Variants in NT5M observed in about 807,000 individuals in gnomAD.
NT5M encodes 5'(3')-deoxyribonucleotidase, mitochondrial.
A neutral mutation model predicts 22.2 loss-of-function variants in NT5M; 22 were observed. That is an observed-to-expected ratio of 0.99 (90% confidence interval 0.71 to 1.41). The LOEUF is 1.41. Among genes scored for constraint, NT5M ranks in the 40% most tolerant of loss-of-function variants. NT5M has a pLI of 0.00. For synonymous variants in NT5M, 167 were observed against 133.0 expected (o/e 1.26, Z -1.76); for missense variants, 322 against 314.8 (o/e 1.02, Z -0.17).
chr17:17,317,687 G>A (rs9889355), intron 2 of NT5M, among the ~76,000 whole-genome samples: 68,952 of 152,066 alleles, frequency 0.45, 16,955 homozygotes, highest in East Asian at 0.79. Context: ...ATGTTAGGCC[G>A]GGCATGGTGG....
At chr17:17,327,072 C>A in intron 3 of NT5M, among the ~76,000 whole-genome samples, 1 of 106,952 alleles carries the variant, frequency 9.3e-6, no homozygotes, top group Non-Finnish European at 2.1e-5. Context: ...CCACCACACC[C>A]GGCTAATTTT....
intron 2 of NT5M, among the ~76,000 whole-genome samples, chr17:17,316,747 G>A (rs1293587598): frequency 2.0e-4 from 29 of 146,364 alleles, no homozygotes; most frequent in African/African-American, 5.1e-4. Flanking sequence ...ATGGAGTCTC[G>A]CTCTGTTGCC....
intron 3 of NT5M, among the ~76,000 whole-genome samples, chr17:17,342,649 G>A (rs1028652103): frequency 3.3e-5 from 5 of 152,130 alleles, no homozygotes; most frequent in Admixed American, 1.3e-4. Flanking sequence ...CCTGAGCACC[G>A]GCCTGCCTTG....
At chr17:17,326,569 G>T (rs1193048503) in intron 3 of NT5M, among the ~76,000 whole-genome samples, 2 of 152,216 alleles carry the variant, frequency 1.3e-5, no homozygotes. Flanking sequence ...CCCGCAGACC[G>T]TCTCTCCAGC....
At chr17:17,303,945 C>T in intron 1 of NT5M, 128 bp downstream of exon 1, 1 of 1,282,978 alleles carries the variant, frequency 7.8e-7, no homozygotes, top group Non-Finnish European at 9.9e-7. Context: ...AGAATAGGGT[C>T]TGGGGGGGAC....
At chr17:17,318,864 T>G (rs950423512) in intron 2 of NT5M, among the ~76,000 whole-genome samples, 1 of 147,696 alleles carries the variant, frequency 6.8e-6, no homozygotes, top group Non-Finnish European at 1.5e-5. Context: ...AACATGATAC[T>G]GAGTGAAAGA....
At chr17:17,343,997 T>C (rs2049703225) in intron 3 of NT5M, among the ~76,000 whole-genome samples, 1 of 152,076 alleles carries the variant, frequency 6.6e-6, no homozygotes, top group Non-Finnish European at 1.5e-5. Flanking sequence ...CAGGACCTGC[T>C]ACCCTATAGG....
intron 3 of NT5M, among the ~76,000 whole-genome samples, chr17:17,332,989 C>T (rs1387112002): frequency 6.6e-6 from 1 of 152,084 alleles, no homozygotes; most frequent in African/African-American, 2.4e-5. Context: ...AATGAGAGTC[C>T]CTCTTGCTCC....
At chr17:17,310,219 T>TAGATATA (rs2048895755) in intron 2 of NT5M, among the ~76,000 whole-genome samples, 1 of 152,144 alleles carries the variant, frequency 6.6e-6, no homozygotes, top group Non-Finnish European at 1.5e-5. Context: ...GATAAGAGAC[T>TAGATATA]TGTATCTAGA....
intron 3 of NT5M, among the ~76,000 whole-genome samples, chr17:17,331,289 C>CAT (rs1555629739): frequency 6.6e-6 from 1 of 151,202 alleles, no homozygotes; most frequent in Admixed American, 6.6e-5. Flanking sequence ...TGGCCCATAC[C>CAT]GTGTTTATTT....
chr17:17,333,269 T>C (rs1048727052), intron 3 of NT5M, among the ~76,000 whole-genome samples: 1 of 152,240 alleles, frequency 6.6e-6, no homozygotes, highest in Non-Finnish European at 1.5e-5. Flanking sequence ...ACAAATATTT[T>C]ATCCCAGTCT....
chr17:17,346,823 G>T lies in NT5M; in HGVS notation c.563G>T (p.Ser188Ile). ...CCCACAGGGGCCGAGCCAACCCCCA[G>T]CTGGGAGCATGTCCTCTTCACCGCC... The part of the protein sequence containing the change: ...PDITGAEPTP[S>I]WEHVLFTACH... The change falls in exon 5 of 5, where the codon AGC becomes ATC. Residue 188 changes from serine (S) to isoleucine (I), a missense_variant. Transcript: ENST00000389022. 1 of 1,607,700 alleles carries T rather than the reference G, an allele frequency of 6.2e-7. No individual in the cohort carries two copies. The highest frequency in any genetic ancestry group is 8.5e-7 in the Non-Finnish European group (1 of 1,179,918).
At chr17:17,315,743 GGT>G (rs1567884358) in intron 2 of NT5M, among the ~76,000 whole-genome samples, 1 of 131,284 alleles carries the variant, frequency 7.6e-6, no homozygotes, top group African/African-American at 2.9e-5. Flanking sequence ...TCTAACTTAG[GGT>G]TTTTTTGTTT....
chr17:17,344,802 G>A lies in NT5M; in HGVS notation c.438G>A (p.Trp146Ter). Residue 146 changes from tryptophan to a stop codon, truncating the protein, a stop_gained, in exon 4 of 5, where the codon TGG becomes TGA. Transcript: ENST00000389022. LOFTEE classifies it high-confidence loss of function. ...TGCCTGTTTGCGTCCAGTATGCCTGGGTGGAGAAGTACTTTGGCCCTGACT... is the reference window on the plus strand; with the variant it reads ...TGCCTGTTTGCGTCCAGTATGCCTGAGTGGAGAAGTACTTTGGCCCTGACT... Reference protein sequence around the residue: ...FKYCPYEKYAWVEKYFGPDFL... With the variant: ...FKYCPYEKYA 2 of 1,614,072 alleles carry A rather than the reference G, an allele frequency of 1.2e-6. No homozygotes were observed. The highest frequency in any genetic ancestry group is 1.7e-6 in the Non-Finnish European group (2 of 1,179,940).
intron 2 of NT5M, among the ~76,000 whole-genome samples, chr17:17,309,675 C>CTTTT (rs34209605): frequency 9.9e-5 from 12 of 121,014 alleles, no homozygotes; most frequent in Non-Finnish European, 1.2e-4. Flanking sequence ...GCTCAAGCAT[C>CTTTT]TTTTTTTTTT....
intron 3 of NT5M, 129 bp from the exon 4 acceptor site, chr17:17,344,665 G>A (rs2049719826): frequency 1.8e-6 from 2 of 1,122,856 alleles, no homozygotes; most frequent in African/African-American, 1.6e-5. Flanking sequence ...CTGGGCCTTG[G>A]TGTCAGGCCT....
At chr17:17,331,252 C>A (rs2049379273) in intron 3 of NT5M, among the ~76,000 whole-genome samples, 2 of 151,310 alleles carry the variant, frequency 1.3e-5, no homozygotes, top group Admixed American at 6.6e-5. Context: ...CTCAGTGGGG[C>A]TCATGGTGTC....
At chr17:17,324,404 A>C (rs1441733493) in intron 3 of NT5M, among the ~76,000 whole-genome samples, 3 of 151,270 alleles carry the variant, frequency 2.0e-5, no homozygotes, top group Non-Finnish European at 4.4e-5. Flanking sequence ...GAATTGCTTG[A>C]ACCTGGGAGG....
rs2145300175 is a variant in NT5M at position 17,303,628 on chromosome 17, C to T, written c.78C>T (p.Gly26=). ...CCGCGGGGCGGCGCGGGGCGGCGGG[C>T]GGGCTGGGCCTGGCGGGAGGCCGCG... ...AVPAGRRGAA[G]GLGLAGGRAL... The change falls in exon 1 of 5, where the codon GGC becomes GGT. Residue 26 remains glycine (G), a synonymous_variant. Transcript: ENST00000389022. 2 of 1,325,486 alleles carry T rather than the reference C, an allele frequency of 1.5e-6. No individual in the cohort carries two copies. Among genetic ancestry groups the T allele is most frequent in the East Asian group, 3.0e-5 (1 of 33,330 alleles). 82.1% of individuals were successfully genotyped at this position (1,325,486 alleles called of 1,614,324 possible). A position where few individuals can be genotyped will look rare whatever the true frequency, so the allele number is the denominator to read the frequency against.
Sources: gnomAD v4.1 joint callset for allele counts (sites outside exome capture counted in the v4.1 genomes callset) on GRCh38, gnomAD v4.1.1 for gene constraint, MANE v1.5 for transcripts, NCBI Gene and HGNC (gene_info 2026-07-23, HGNC 2026-07-21) for gene names.